PLEKHA7: variants seen among roughly 807,000 people sequenced by gnomAD.
PLEKHA7 encodes the protein pleckstrin homology domain-containing family A member 7.
PLEKHA7 carries 104 observed loss-of-function variants against 170.0 expected under a neutral mutation model. The ratio of observed to expected loss-of-function variants is 0.61; its 90% CI spans 0.52 to 0.72. PLEKHA7 has a LOEUF of 0.72. Among genes scored for constraint, PLEKHA7 ranks in the 30% least tolerant of loss-of-function variants. The probability of loss-of-function intolerance (pLI) is 0.00; values close to 1 mark genes in which losing one functional copy is unlikely to be tolerated. For missense variants in PLEKHA7, 1,615 were observed against 1,671.7 expected (o/e 0.97, Z 0.59); for synonymous variants, 648 against 660.8 (o/e 0.98, Z 0.30).
intron 3 of PLEKHA7, among the ~76,000 whole-genome samples, chr11:17,001,646 T>G (rs566653704): frequency 2.6e-4 from 40 of 152,056 alleles, no homozygotes; most frequent in African/African-American, 8.7e-4. Flanking sequence ...GAGTGTGATG[T>G]AGGAAGTCAC....
chr11:16,799,240 A>C (rs1848431523), intron 17 of PLEKHA7, among the ~76,000 whole-genome samples: 1 of 152,250 alleles, frequency 6.6e-6, no homozygotes, highest in Non-Finnish European at 1.5e-5. Flanking sequence ...TGAGTTGCCA[A>C]ATAATGTGTA....
chr11:16,791,302 A>G lies in PLEKHA7; in HGVS notation c.2746-103T>C. On this transcript the variant is annotated intron_variant, in intron 19 of 26. Transcript: ENST00000531066. This position sits in a 1 kb window ranked among gnomAD's most constrained non-coding sequence, Gnocchi z 4.5. ...GGTTTAAAGGGTAGGAACAGGCCAC[A>G]TCAGAGCCACAGAACATGACTGCCT... is the stretch of plus-strand genomic sequence containing the variant. The G allele has an allele frequency of 8.9e-7, 1 of 1,129,306 alleles. No individual in the cohort carries two copies. The highest frequency in any genetic ancestry group is 1.2e-6 in the Non-Finnish European group (1 of 802,958). The allele number at this position is 1,129,306 out of a possible 1,614,324, so 70.0% of individuals were successfully genotyped here. A position where few individuals can be genotyped will look rare whatever the true frequency, so the allele number is the denominator to read the frequency against.
chr11:16,883,622 T>C (rs902718016), intron 3 of PLEKHA7, among the ~76,000 whole-genome samples: 2 of 152,204 alleles, frequency 1.3e-5, no homozygotes, highest in African/African-American at 2.4e-5. Context: ...TCTGTCCTTT[T>C]CCCTAAGGAT....
chr11:16,962,389 C>A (rs1392813450), intron 3 of PLEKHA7, among the ~76,000 whole-genome samples: 1 of 152,198 alleles, frequency 6.6e-6, no homozygotes, highest in African/African-American at 2.4e-5. Context: ...GTTATTATCT[C>A]CACTGTGCAA....
chr11:16,783,598 G>A, intron 25 of PLEKHA7, 102 bp downstream of exon 25: 1 of 1,261,172 alleles, frequency 7.9e-7, no homozygotes, highest in Non-Finnish European at 1.0e-6. Context: ...ACGAAGACCT[G>A]GCAAAACACG....
intron 3 of PLEKHA7, among the ~76,000 whole-genome samples, chr11:16,996,010 GTCAAGAAA>G: frequency 6.6e-6 from 1 of 152,172 alleles, no homozygotes; most frequent in Non-Finnish European, 1.5e-5. Flanking sequence ...CCCTGCAGAA[GTCAAGAAA>G]TTACCTAAAT....
chr11:16,797,830 CCT>C (rs1467563691), intron 17 of PLEKHA7, among the ~76,000 whole-genome samples: 1 of 152,328 alleles, frequency 6.6e-6, no homozygotes, highest in African/African-American at 2.4e-5. Flanking sequence ...GCAAAGCTCC[CCT>C]GTCAGCCACT....
At chr11:16,874,748 G>C (rs1041174285) in intron 3 of PLEKHA7, among the ~76,000 whole-genome samples, 2 of 152,216 alleles carry the variant, frequency 1.3e-5, no homozygotes, top group Middle Eastern at 3.4e-3. Context: ...AAAGTTCTGA[G>C]TGACAGCACT....
At chr11:16,923,712 TCCTTG>T (rs1423477801) in intron 3 of PLEKHA7, among the ~76,000 whole-genome samples, 1 of 152,028 alleles carries the variant, frequency 6.6e-6, no homozygotes, top group African/African-American at 2.4e-5. Flanking sequence ...CTTCCTGCGC[TCCTTG>T]CCTGCAGTAA....
chr11:16,817,182 T>C lies in PLEKHA7; in HGVS notation c.1484A>G (p.Tyr495Cys), dbSNP rs1000406901. 1.4e-5 allele frequency: 22 copies of C among 1,614,038 alleles called. No individual in the cohort carries two copies. The highest frequency in any genetic ancestry group is 1.9e-5 in the Non-Finnish European group (22 of 1,180,030). Reference protein sequence around the residue: ...SPPPRNLPSDYKYAQDRASHL... With the variant: ...SPPPRNLPSDCKYAQDRASHL... ...GCTGGCTCGGTCCTGCGCATACTTG[T>C]AGTCACTTGGCAGGTTTCGGGGAGG... is the stretch of plus-strand genomic sequence containing the variant. Residue 495 changes from tyrosine (Y) to cysteine (C), a missense_variant, in exon 11 of 27, where the codon TAC becomes TGC. By Grantham distance (194) the Tyr-to-Cys change is radical. Coordinates refer to ENST00000531066, the MANE Select transcript of PLEKHA7 (RefSeq NM_001329630.2). This position sits in a 1 kb window ranked among gnomAD's most constrained non-coding sequence, Gnocchi z 4.4.
At chr11:16,831,867 G>A (rs433225) in intron 9 of PLEKHA7, among the ~76,000 whole-genome samples, 24,470 of 152,198 alleles carry the variant, frequency 0.16, 2,387 homozygotes, top group African/African-American at 0.27. Flanking sequence ...TCACTACCCA[G>A]TAGGTATTCC....
intron 3 of PLEKHA7, among the ~76,000 whole-genome samples, chr11:16,893,571 G>A (rs895446466): frequency 3.9e-5 from 6 of 151,938 alleles, no homozygotes; most frequent in Non-Finnish European, 5.9e-5. Flanking sequence ...TCTAGTACCC[G>A]CCCCCCCACA....
Position 16,783,608 on chromosome 11 carries a change from G to A in PLEKHA7, c.3650+92C>T, listed in dbSNP as rs985318232. Reference sequence around the variant, plus strand: ...CTGAGACGAAGACCTGGCAAAACACGCACCCCAGCCAGCCCGGCCCAGGGC... The same window carrying A: ...CTGAGACGAAGACCTGGCAAAACACACACCCCAGCCAGCCCGGCCCAGGGC... On this transcript the variant is annotated intron_variant, in intron 25 of 26. Transcript: ENST00000531066. 68 of 1,282,654 alleles carry A rather than the reference G, an allele frequency of 5.3e-5. 2 individuals are homozygous for A. In the East Asian group the frequency reaches 1.7e-3, roughly 33 times the overall value. The allele number at this position is 1,282,654 out of a possible 1,614,324, so 79.5% of individuals were successfully genotyped here.
chr11:16,937,962 G>C (rs997356468), intron 3 of PLEKHA7, among the ~76,000 whole-genome samples: 1 of 152,070 alleles, frequency 6.6e-6, no homozygotes, highest in Non-Finnish European at 1.5e-5. Context: ...TTTCCTTCTT[G>C]TTTTGGCTGC....
chr11:16,838,693 CTTTTTTT>C (rs869209891), intron 9 of PLEKHA7, among the ~76,000 whole-genome samples: 22 of 107,862 alleles, frequency 2.0e-4, no homozygotes, highest in Non-Finnish European at 3.4e-4. Flanking sequence ...ACACAGTTTT[CTTTTTTT>C]TTTTTTTTTT....
At chr11:16,847,842 C>CAAA (rs35191685) in intron 8 of PLEKHA7, among the ~76,000 whole-genome samples, 2 of 101,436 alleles carry the variant, frequency 2.0e-5, no homozygotes, top group Non-Finnish European at 4.1e-5. Flanking sequence ...AATTCTGTCT[C>CAAA]AAAAAAAAAA....
intron 3 of PLEKHA7, among the ~76,000 whole-genome samples, chr11:16,965,154 C>T (rs1862294944): frequency 6.7e-6 from 1 of 150,314 alleles, no homozygotes; most frequent in South Asian, 2.1e-4. Context: ...ACAAAATATA[C>T]AAAAAAAAAC....
Position 16,791,641 on chromosome 11 carries a change from G to A in PLEKHA7, c.2746-442C>T, listed in dbSNP as rs1459128326. ...GTGCTCAGCCTGAGCCGGCTCATTG[G>A]CCCTACACGAGCTCTGGCGCCTTCA... On this transcript the variant is annotated intron_variant, in intron 19 of 26. Transcript: ENST00000531066. The surrounding 1 kb of genome is among the most constrained non-coding windows in gnomAD (Gnocchi z 4.5). 4.3e-6 allele frequency: 2 copies of A among 460,230 alleles called. No homozygotes were observed. The highest frequency in any genetic ancestry group is 8.7e-6 in the Non-Finnish European group (2 of 229,568). 28.5% of individuals were successfully genotyped at this position (460,230 alleles called of 1,614,324 possible). A position where few individuals can be genotyped will look rare whatever the true frequency, so the allele number is the denominator to read the frequency against.
At chr11:16,880,972 C>A (rs1855664180) in intron 3 of PLEKHA7, among the ~76,000 whole-genome samples, 1 of 139,136 alleles carries the variant, frequency 7.2e-6, no homozygotes, top group Non-Finnish European at 1.6e-5. Context: ...CAACACTACA[C>A]ACAACTGCAA....
Sources: gnomAD v4.1 joint callset for allele counts (sites outside exome capture counted in the v4.1 genomes callset) on GRCh38, gnomAD v4.1.1 for gene constraint, Gnocchi (gnomAD v3.1) non-coding constraint, MANE v1.5 for transcripts, NCBI Gene and HGNC (gene_info 2026-07-23, HGNC 2026-07-21) for gene names.